The following PEBP4 variants were observed in gnomAD, a reference collection of about 807,000 sequenced individuals.
PEBP4 encodes the protein phosphatidylethanolamine binding protein 4.
In PEBP4, 22 loss-of-function variants were observed where a neutral mutation model predicts 23.9. The observed-to-expected ratio is 0.92, with a 90% CI of 0.66 to 1.31. PEBP4 has a LOEUF of 1.31. Ranked by LOEUF, PEBP4 falls within the 40% of genes most tolerant of loss-of-function variation. The pLI is 0.00. For synonymous variants in PEBP4, 112 were observed against 99.3 expected, an observed-to-expected ratio of 1.13 and a Z score of -0.76; for missense variants, 324 against 281.7, an observed-to-expected ratio of 1.15 and a Z score of -1.07.
intron 4 of PEBP4, among the ~76,000 whole-genome samples, chr8:22,769,113 C>T (rs1188655353): frequency 3.3e-5 from 5 of 152,314 alleles, no homozygotes; most frequent in African/African-American, 1.2e-4. Context: ...CCTCTCTACC[C>T]TCACGTTGCC....
chr8:22,810,370 C>T (rs536421171), intron 4 of PEBP4, among the ~76,000 whole-genome samples: 6 of 152,196 alleles, frequency 3.9e-5, no homozygotes, highest in Admixed American at 3.3e-4. Flanking sequence ...TTTCTAAGAC[C>T]GAGGAAGGAT....
chr8:22,836,345 G>T (rs1384875436), intron 3 of PEBP4, among the ~76,000 whole-genome samples: 1 of 152,228 alleles, frequency 6.6e-6, no homozygotes, highest in Non-Finnish European at 1.5e-5. Flanking sequence ...TGCTCAGAGG[G>T]TAGAGGGACA....
At chr8:22,800,263 A>G (rs561316442) in intron 4 of PEBP4, among the ~76,000 whole-genome samples, 5 of 152,218 alleles carry the variant, frequency 3.3e-5, no homozygotes, top group Admixed American at 6.5e-5. Flanking sequence ...CCTGCTAACC[A>G]TAGGTTGGAT....
At chr8:22,747,888 C>T (rs539403531) in intron 4 of PEBP4, among the ~76,000 whole-genome samples, 197 of 152,186 alleles carry the variant, frequency 1.3e-3, no homozygotes, top group African/African-American at 4.6e-3. Context: ...CTCACACAAG[C>T]ACTGTGGAGC....
At chr8:22,826,626 T>C (rs1470168123) in intron 3 of PEBP4, among the ~76,000 whole-genome samples, 1 of 152,236 alleles carries the variant, frequency 6.6e-6, no homozygotes, top group African/African-American at 2.4e-5. Context: ...CTCTCCAGGA[T>C]AACTTTAGTG....
chr8:22,777,005 T>C (rs1805827757), intron 4 of PEBP4, among the ~76,000 whole-genome samples: 1 of 151,514 alleles, frequency 6.6e-6, no homozygotes, highest in Non-Finnish European at 1.5e-5. Context: ...CCGATCAGAA[T>C]GGTGGGTTGG....
chr8:22,881,972 G>A (rs533677934), intron 3 of PEBP4, among the ~76,000 whole-genome samples: 1 of 152,298 alleles, frequency 6.6e-6, no homozygotes, highest in East Asian at 1.9e-4. Flanking sequence ...CCTTGTGGGT[G>A]TTGAATCACT....
intron 3 of PEBP4, among the ~76,000 whole-genome samples, chr8:22,826,474 A>T (rs1350259650): frequency 6.6e-6 from 1 of 152,250 alleles, no homozygotes; most frequent in Non-Finnish European, 1.5e-5. Flanking sequence ...CTGTCACAGT[A>T]GAAAATAAGT....
chr8:22,715,579 C>T (rs1445444520), intron 6 of PEBP4, among the ~76,000 whole-genome samples: 4 of 152,214 alleles, frequency 2.6e-5, no homozygotes, highest in African/African-American at 4.8e-5. Flanking sequence ...GGGCAAGCTG[C>T]GGGGAAGAAA....
chr8:22,781,513 C>T (rs533410750), intron 4 of PEBP4, among the ~76,000 whole-genome samples: 4 of 152,306 alleles, frequency 2.6e-5, no homozygotes, highest in Admixed American at 1.3e-4. Context: ...TACTAGTCAC[C>T]GGTGCTAGGG....
At chr8:22,727,480 G>C (rs926603225) in intron 4 of PEBP4, among the ~76,000 whole-genome samples, 30 of 152,040 alleles carry the variant, frequency 2.0e-4, no homozygotes, top group Non-Finnish European at 1.5e-4. Flanking sequence ...GTATTGCTGA[G>C]GGGGGCAAAT....
In PEBP4 at chr8:22,730,931, G is replaced by A. The variant is rs185720006; in HGVS notation, c.358-3711C>T. Among the ~76,000 whole-genome samples, 5 of 152,276 alleles carry A rather than the reference G, an allele frequency of 3.3e-5. No homozygotes were observed. In the East Asian group the frequency reaches 9.7e-4, roughly 29 times the overall value. ...TTTATGGCCCAACCTGCAGGGTCTG[G>A]TAAGAGCTCCCTCACACCTTCGGCC... On this transcript the variant is annotated intron_variant, in intron 4 of 6. Coordinates refer to ENST00000256404, the MANE Select transcript of PEBP4 (RefSeq NM_144962.3).
chr8:22,847,169 C>T (rs913811543), intron 3 of PEBP4, among the ~76,000 whole-genome samples: 4 of 151,478 alleles, frequency 2.6e-5, no homozygotes, highest in East Asian at 2.0e-4. Flanking sequence ...CCCTCTGAGG[C>T]GGAGAAAGGA....
In PEBP4 at chr8:22,927,892, G is replaced by T; in HGVS notation, c.-76C>A. On this transcript the variant is annotated 5_prime_UTR_variant, in exon 1 of 7. Transcript: ENST00000256404. ...CGCAGCTAATCCAGTCCACCACCCG[G>T]ACACAAGTACTTTGGGAGGACTGGG... The T allele has an allele frequency of 1.5e-6, 1 of 668,642 alleles. No individual in the cohort carries two copies. Among genetic ancestry groups the T allele is most frequent in the Non-Finnish European group, 2.4e-6 (1 of 412,210 alleles). The allele number at this position is 668,642 out of a possible 1,614,324, so 41.4% of individuals were successfully genotyped here.
At chr8:22,886,947 G>C (rs1255913674) in intron 3 of PEBP4, 18 of 152,320 alleles carry the variant, frequency 1.2e-4, no homozygotes, top group Admixed American at 1.2e-3. Context: ...CGCTGCTCAA[G>C]TCACAAAGCA....
intron 3 of PEBP4, among the ~76,000 whole-genome samples, chr8:22,839,428 C>CTGGTGGATCA (rs1807275199): frequency 6.6e-6 from 1 of 152,146 alleles, no homozygotes; most frequent in Admixed American, 6.5e-5. Flanking sequence ...GGTGGGGAGG[C>CTGGTGGATCA]AGAGGCTGGA....
chr8:22,725,410 C>T (rs897183370), intron 5 of PEBP4, among the ~76,000 whole-genome samples: 1 of 144,862 alleles, frequency 6.9e-6, no homozygotes, highest in African/African-American at 2.5e-5. Flanking sequence ...TTCTTGGCTG[C>T]GTCTGGAGGG....
At chr8:22,901,790 A>G (rs1008242569) in intron 3 of PEBP4, among the ~76,000 whole-genome samples, 1 of 152,222 alleles carries the variant, frequency 6.6e-6, no homozygotes, top group Non-Finnish European at 1.5e-5. Context: ...TCTGTGACAG[A>G]TGTTTACAAT....
intron 3 of PEBP4, among the ~76,000 whole-genome samples, chr8:22,908,117 G>A (rs1235573269): frequency 6.6e-6 from 1 of 152,148 alleles, no homozygotes; most frequent in Non-Finnish European, 1.5e-5. Flanking sequence ...AGATGGAGCA[G>A]GCTGGGGTTG....
Sources: allele counts gnomAD v4.1 joint callset (sites outside exome capture counted in the v4.1 genomes callset), GRCh38; gene constraint gnomAD v4.1.1; transcripts MANE v1.5; gene names NCBI Gene and HGNC (gene_info 2026-07-23, HGNC 2026-07-21).